Variants in SHC2 observed in about 807,000 individuals in gnomAD.
SHC2 encodes SHC adaptor protein 2, also known as SHC-transforming protein 2.
In SHC2, 62 loss-of-function variants were observed where a neutral mutation model predicts 60.6. The observed-to-expected ratio is 1.02, with a 90% CI of 0.83 to 1.26. The LOEUF (loss-of-function observed/expected upper bound fraction) is 1.26, where lower values mean the gene tolerates loss of function less well. Among genes scored for constraint, SHC2 ranks in the 50% most tolerant of loss-of-function variants. SHC2 has a pLI of 0.00. For missense variants in SHC2, 873 were observed against 822.2 expected (o/e 1.06, Z -0.76); for synonymous variants, 375 against 372.4 (o/e 1.01, Z -0.08).
intron 1 of SHC2, among the ~76,000 whole-genome samples, chr19:449,060 C>T (rs1461221758): frequency 6.6e-6 from 1 of 151,958 alleles, no homozygotes; most frequent in Non-Finnish European, 1.5e-5. Flanking sequence ...CCCAGCTACT[C>T]GGGAGGCTGA....
At chr19:442,380 T>A (rs1477478754) in intron 1 of SHC2, among the ~76,000 whole-genome samples, 1 of 118,668 alleles carries the variant, frequency 8.4e-6, no homozygotes, top group Non-Finnish European at 1.7e-5. Context: ...GGTGGGTGGG[T>A]AGATGAGTAG....
At position 460,534 on chromosome 19, in the gene SHC2, C is replaced by G; in HGVS notation, c.463G>C (p.Val155Leu). Residue 155 changes from valine to leucine, a missense_variant, in exon 1 of 13, where the codon GTG becomes CTG. Val to Leu is a conservative substitution (Grantham distance 32, BLOSUM62 1). Transcript: ENST00000264554. ...GGGGGGTGGGGGGGACTCACCCGCACGACGTAGGAGACCCCGGGCCCCAGG... is the reference window on the plus strand; with the variant it reads ...GGGGGGTGGGGGGGACTCACCCGCAGGACGTAGGAGACCCCGGGCCCCAGG... Reference protein sequence around the residue: ...RVLGPGVSYVVRYMGCIEVLR... With the variant: ...RVLGPGVSYVLRYMGCIEVLR... 2 of 1,365,030 alleles carry G rather than the reference C, an allele frequency of 1.5e-6. No homozygotes were observed. Among genetic ancestry groups the G allele is most frequent in the Non-Finnish European group, 1.9e-6 (2 of 1,053,154 alleles). 84.6% of individuals were successfully genotyped at this position (1,365,030 alleles called of 1,614,324 possible). A position where few individuals can be genotyped will look rare whatever the true frequency, so the allele number is the denominator to read the frequency against.
rs1404117917 is a variant in SHC2, at chr19:438,835, G to A, written c.603C>T (p.Ala201=). Reference sequence around the variant, plus strand: ...GGACGGACGCCAGGGCCTTGTTGGGGGCCTGAGTTGGGGGCGGAGCACAGC... The same window carrying A: ...GGACGGACGCCAGGGCCTTGTTGGGAGCCTGAGTTGGGGGCGGAGCACAGC... ...PGVRGSWKKK[A]PNKALASVLG... Residue 201 remains alanine, a splice_region_variant and synonymous_variant, in exon 4 of 13, where the codon GCC becomes GCT. Transcript: ENST00000264554. The surrounding 1 kb of genome is among the most constrained non-coding windows in gnomAD (Gnocchi z 5.0). The A allele has an allele frequency of 1.9e-6, 3 of 1,565,556 alleles. No homozygotes were observed. Among genetic ancestry groups the A allele is most frequent in the East Asian group, 2.4e-5 (1 of 41,912 alleles).
At chr19:430,826 G>A (rs570242904) in intron 8 of SHC2, 79 bp from the exon 9 acceptor site, 39 of 1,347,200 alleles carry the variant, frequency 2.9e-5, no homozygotes, top group Admixed American at 3.8e-5. Context: ...CTCCCCGCCC[G>A]GCCCTCTTAG....
chr19:419,120 T>C, intron 11 of SHC2, 64 bp from the exon 12 acceptor site: 1 of 1,497,376 alleles, frequency 6.7e-7, no homozygotes, highest in Non-Finnish European at 9.0e-7. Context: ...AGTAGGATAT[T>C]GGCGTTCTGG....
At chr19:421,771 A>G (rs922505965) in intron 11 of SHC2, among the ~76,000 whole-genome samples, 8 of 151,944 alleles carry the variant, frequency 5.3e-5, no homozygotes, top group African/African-American at 1.9e-4. Flanking sequence ...TTAGCTGGGG[A>G]CGGTGGCTCA....
intron 11 of SHC2, among the ~76,000 whole-genome samples, chr19:420,692 GT>G (rs1214916646): frequency 2.0e-5 from 3 of 152,192 alleles, no homozygotes; most frequent in Non-Finnish European, 4.4e-5. Context: ...GCAATTGATG[GT>G]TTTTAAACAA....
chr19:434,943 G>A, intron 7 of SHC2, 78 bp from the exon 8 acceptor site: 1 of 1,452,342 alleles, frequency 6.9e-7, no homozygotes, highest in Admixed American at 2.2e-5. Context: ...GCTTCTGGGG[G>A]AGCAGGAAAT....
At chr19:427,220 C>G (rs1022526248) in intron 9 of SHC2, among the ~76,000 whole-genome samples, 2 of 152,146 alleles carry the variant, frequency 1.3e-5, no homozygotes, top group African/African-American at 4.8e-5. Flanking sequence ...GTTAGCAAGG[C>G]TGTTAGGAAA....
chr19:460,453 C>T, intron 1 of SHC2, 76 bp downstream of exon 1: 4 of 513,202 alleles, frequency 7.8e-6, no homozygotes, highest in African/African-American at 3.9e-5. Flanking sequence ...TCGCGGGGTC[C>T]GGGGGTCCCG....
At chr19:444,115 G>A (rs1489799577) in intron 1 of SHC2, among the ~76,000 whole-genome samples, 1 of 151,798 alleles carries the variant, frequency 6.6e-6, no homozygotes, top group Non-Finnish European at 1.5e-5. Context: ...TGGATGGTTG[G>A]ATGGGTGGAC....
chr19:419,201 C>T (rs1428708776), intron 11 of SHC2, 145 bp from the exon 12 acceptor site: 1 of 947,422 alleles, frequency 1.1e-6, no homozygotes, highest in Non-Finnish European at 1.5e-6. Context: ...GGGACACCAG[C>T]CAAAGGATCG....
Position 440,942 on chromosome 19 carries a change from G to C in SHC2, c.469-10C>G, listed in dbSNP as rs755351729. 1 of 1,611,338 alleles carries C rather than the reference G, an allele frequency of 6.2e-7. No homozygotes were observed. Among genetic ancestry groups the C allele is most frequent in the South Asian group, 1.1e-5 (1 of 91,060 alleles). ...CGATGCAGCCCATGTACTGAGGGGA[G>C]AGAACAGGTGTCAGATGCCATCGGA... is the stretch of plus-strand genomic sequence containing the variant. On this transcript the variant is annotated splice_polypyrimidine_tract_variant and intron_variant, in intron 1 of 12. Coordinates refer to ENST00000264554, the MANE Select transcript of SHC2 (RefSeq NM_012435.3). The surrounding 1 kb of genome is among the most constrained non-coding windows in gnomAD (Gnocchi z 7.0).
intron 9 of SHC2, among the ~76,000 whole-genome samples, chr19:428,526 TG>T (rs1174533910): frequency 1.3e-5 from 2 of 152,136 alleles, no homozygotes; most frequent in African/African-American, 4.8e-5. Context: ...GGAAGATGGA[TG>T]GGTAGCACAC....
In SHC2 at chr19:460,778, C is replaced by A; in HGVS notation, c.219G>T (p.Pro73=). ...QPEPAGPGGV[P]ALAAAVLGAC... Reference sequence around the variant, plus strand: ...CGCCCAGGACGGCGGCCGCCAGCGCCGGGACGCCCCCCGGGCCCGCCGGCT... The same window carrying A: ...CGCCCAGGACGGCGGCCGCCAGCGCAGGGACGCCCCCCGGGCCCGCCGGCT... Residue 73 remains proline (P), a synonymous_variant, in exon 1 of 13, where the codon CCG becomes CCT. Transcript: ENST00000264554. 1.0e-6 allele frequency: 1 copy of A among 978,894 alleles called. No homozygotes were observed. The highest frequency in any genetic ancestry group is 1.2e-6 in the Non-Finnish European group (1 of 827,300). The allele number at this position is 978,894 out of a possible 1,614,324, so 60.6% of individuals were successfully genotyped here. A position where few individuals can be genotyped will look rare whatever the true frequency, so the allele number is the denominator to read the frequency against.
In SHC2 at chr19:439,112, G is replaced by A. The variant is rs542418770; in HGVS notation, c.540-82C>T. 177 of 499,826 alleles carry A rather than the reference G, an allele frequency of 3.5e-4. 1 individual carries two copies. Among genetic ancestry groups the A allele is most frequent in the African/African-American group, 1.1e-3 (56 of 51,430 alleles). 31.0% of individuals were successfully genotyped at this position (499,826 alleles called of 1,614,324 possible). ...TGGGGAGGAAGGGGTCAGAGAGGGC[G>A]GGGGTCTGGGGAGGGGGCAGGAGCT... On this transcript the variant is annotated intron_variant, in intron 2 of 12. Coordinates refer to ENST00000264554, the MANE Select transcript of SHC2 (RefSeq NM_012435.3).
Position 434,865 on chromosome 19 carries a change from C to G in SHC2, c.954G>C (p.Arg318Ser). The change falls in exon 8 of 13, where the codon AGG becomes AGC. Residue 318 changes from arginine (R) to serine (S), a missense_variant and splice_region_variant. Coordinates refer to ENST00000264554, the MANE Select transcript of SHC2 (RefSeq NM_012435.3). ...AGGCCGACTCCTCCGGCCCTGCCAG[C>G]CTGGGGGACAGACAACAACGGCCAT... ...SPPKVALPPE[R>S]LAGPEESAWG... 3 of 1,609,306 alleles carry G rather than the reference C, an allele frequency of 1.9e-6. No individual in the cohort carries two copies. The highest frequency in any genetic ancestry group is 1.1e-5 in the South Asian group (1 of 90,944).
At chr19:456,165 C>T (rs72970219) in intron 1 of SHC2, among the ~76,000 whole-genome samples, 9,394 of 152,276 alleles carry the variant, frequency 0.062, 369 homozygotes, top group Non-Finnish European at 0.092. Flanking sequence ...AAGAGCCCTG[C>T]GGGCCTGAGC....
chr19:420,694 T>A (rs1254935463), intron 11 of SHC2, among the ~76,000 whole-genome samples: 3 of 152,146 alleles, frequency 2.0e-5, no homozygotes, highest in Non-Finnish European at 4.4e-5. Context: ...AATTGATGGT[T>A]TTTAAACAAA....
Sources: gnomAD v4.1 joint callset for allele counts (sites outside exome capture counted in the v4.1 genomes callset) on GRCh38, gnomAD v4.1.1 for gene constraint, Gnocchi (gnomAD v3.1) non-coding constraint, MANE v1.5 for transcripts, NCBI Gene and HGNC (gene_info 2026-07-23, HGNC 2026-07-21) for gene names.